Variants in SPAG16 observed in about 807,000 individuals in gnomAD.
SPAG16 encodes sperm-associated antigen 16 protein.
Under a neutral mutation model 80.4 loss-of-function variants are expected in SPAG16, and 86 were observed. The observed-to-expected ratio is 1.07, with a 90% CI of 0.90 to 1.28. The LOEUF (loss-of-function observed/expected upper bound fraction) is 1.28, where lower values mean the gene tolerates loss of function less well. Ranked by LOEUF, SPAG16 falls within the 50% of genes most tolerant of loss-of-function variation. The pLI is 0.00. For missense variants in SPAG16, 870 were observed against 765.3 expected, an observed-to-expected ratio of 1.14 and a Z score of -1.61; for synonymous variants, 294 against 265.9, an observed-to-expected ratio of 1.11 and a Z score of -1.03.
At chr2:214,073,952 G>C (rs887191313) in intron 13 of SPAG16, among the ~76,000 whole-genome samples, 1 of 152,186 alleles carries the variant, frequency 6.6e-6, no homozygotes, top group Admixed American at 6.5e-5. Context: ...TTGAATGTTT[G>C]TGTCCCTTCT....
At chr2:214,120,236 C>G (rs1024196689) in intron 14 of SPAG16, among the ~76,000 whole-genome samples, 1 of 151,426 alleles carries the variant, frequency 6.6e-6, no homozygotes, top group Non-Finnish European at 1.5e-5. Flanking sequence ...TGTGTGGCAT[C>G]CCAATTAATT....
intron 11 of SPAG16, among the ~76,000 whole-genome samples, chr2:213,913,595 G>A (rs142192677): frequency 2.7e-3 from 18 of 6,582 alleles, no homozygotes; most frequent in Non-Finnish European, 9.6e-3. Context: ...GTACATATAT[G>A]TATATGTACA....
chr2:213,482,950 T>C (rs2073822597), intron 9 of SPAG16, among the ~76,000 whole-genome samples: 1 of 152,144 alleles, frequency 6.6e-6, no homozygotes, highest in Admixed American at 6.5e-5. Context: ...TATAGAAAAA[T>C]TTGAATATGC....
intron 13 of SPAG16, among the ~76,000 whole-genome samples, chr2:214,028,812 TTGAA>T (rs1268553834): frequency 1.3e-5 from 2 of 152,114 alleles, no homozygotes; most frequent in African/African-American, 4.8e-5. Context: ...TGTGTATGTG[TTGAA>T]TGATTTTATT....
chr2:214,258,771 C>A (rs143495886), intron 15 of SPAG16, among the ~76,000 whole-genome samples: 4 of 151,542 alleles, frequency 2.6e-5, no homozygotes, highest in South Asian at 2.1e-4. Flanking sequence ...TATCTTCAGC[C>A]GCCTTCCTTT....
chr2:213,838,745 C>T (rs933129211), intron 10 of SPAG16, among the ~76,000 whole-genome samples: 1 of 152,162 alleles, frequency 6.6e-6, no homozygotes, highest in African/African-American at 2.4e-5. Context: ...AAATTACTTT[C>T]CTTGTAAAGG....
chr2:213,499,992 T>C (rs1473770520), intron 10 of SPAG16, among the ~76,000 whole-genome samples: 1 of 152,188 alleles, frequency 6.6e-6, no homozygotes, highest in Non-Finnish European at 1.5e-5. Flanking sequence ...TTCTCGATTC[T>C]AAATTTTGAC....
chr2:214,043,862 T>A (rs1237969092), intron 13 of SPAG16, among the ~76,000 whole-genome samples: 1 of 152,128 alleles, frequency 6.6e-6, no homozygotes, highest in Non-Finnish European at 1.5e-5. Context: ...ATATAACATA[T>A]ACACACTTAT....
chr2:213,758,875 T>C (rs756641021), intron 10 of SPAG16, among the ~76,000 whole-genome samples: 10 of 151,940 alleles, frequency 6.6e-5, no homozygotes, highest in Non-Finnish European at 1.0e-4. Flanking sequence ...AATCAAAGCT[T>C]TAAAAGGTGG....
chr2:213,659,582 T>C (rs2063344394), intron 10 of SPAG16, among the ~76,000 whole-genome samples: 1 of 152,140 alleles, frequency 6.6e-6, no homozygotes, highest in South Asian at 2.1e-4. Flanking sequence ...ACTGTAAATA[T>C]AAAAGATCAA....
At chr2:213,430,378 G>C (rs558034518) in intron 9 of SPAG16, among the ~76,000 whole-genome samples, 1 of 152,190 alleles carries the variant, frequency 6.6e-6, no homozygotes, top group African/African-American at 2.4e-5. Flanking sequence ...TCTAACCTGT[G>C]GCCCATGGGC....
intron 5 of SPAG16, among the ~76,000 whole-genome samples, chr2:213,334,217 T>C (rs1310068979): frequency 6.6e-6 from 1 of 152,190 alleles, no homozygotes; most frequent in African/African-American, 2.4e-5. Context: ...GTGTTCAACA[T>C]CATTGATCAT....
intron 7 of SPAG16, among the ~76,000 whole-genome samples, chr2:213,356,605 A>AT (rs944311033): frequency 3.9e-5 from 6 of 152,032 alleles, no homozygotes; most frequent in African/African-American, 1.2e-4. Flanking sequence ...CCCCTTTATC[A>AT]TTTTTTTATT....
At chr2:213,711,201 T>G (rs1052415587) in intron 10 of SPAG16, among the ~76,000 whole-genome samples, 1 of 152,120 alleles carries the variant, frequency 6.6e-6, no homozygotes, top group African/African-American at 2.4e-5. Flanking sequence ...ATTTTCAAGT[T>G]TATGTACTTT....
chr2:213,355,580 A>T (rs2065593115), intron 7 of SPAG16, among the ~76,000 whole-genome samples: 6 of 152,132 alleles, frequency 3.9e-5, no homozygotes, highest in South Asian at 2.1e-4. Flanking sequence ...CGTCCTTTAC[A>T]TCCCTTGTAA....
intron 10 of SPAG16, among the ~76,000 whole-genome samples, chr2:213,538,831 TTATC>T (rs1048589409): frequency 9.5e-5 from 13 of 136,848 alleles, no homozygotes; most frequent in South Asian, 2.1e-4. Flanking sequence ...ATTTATCTAT[TTATC>T]TATCTATTAT....
In SPAG16 at chr2:213,294,394, G is replaced by C. The variant is rs146994263; in HGVS notation, c.137-1670G>C. Among the ~76,000 whole-genome samples, 170 of 152,296 alleles carry C rather than the reference G, an allele frequency of 1.1e-3. 2 individuals are homozygous for C. The highest frequency in any genetic ancestry group is 3.7e-3 in the African/African-American group (152 of 41,568). ...GGCTGATGGCAAGGAATTAGAGAGT[G>C]AGGCAAATACTATTAGAATCTGTTC... is the stretch of plus-strand genomic sequence containing the variant. On this transcript the variant is annotated intron_variant, in intron 1 of 15. Coordinates refer to ENST00000331683, the MANE Select transcript of SPAG16 (RefSeq NM_024532.5).
At chr2:214,357,598 C>T (rs1169326095) in intron 15 of SPAG16, among the ~76,000 whole-genome samples, 1 of 151,784 alleles carries the variant, frequency 6.6e-6, no homozygotes, top group African/African-American at 2.4e-5. Flanking sequence ...TCTCTTGTTC[C>T]TTCATCATTT....
intron 10 of SPAG16, among the ~76,000 whole-genome samples, chr2:213,838,320 C>T (rs574693066): frequency 5.3e-5 from 8 of 152,048 alleles, no homozygotes; most frequent in African/African-American, 9.7e-5. Context: ...TATAGGCATG[C>T]GCCACCACTC....
Sources: allele counts gnomAD v4.1 joint callset (sites outside exome capture counted in the v4.1 genomes callset), GRCh38; gene constraint gnomAD v4.1.1; transcripts MANE v1.5; gene names NCBI Gene and HGNC (gene_info 2026-07-23, HGNC 2026-07-21).